Variants in GNS observed in about 807,000 individuals in gnomAD.
GNS encodes N-acetylglucosamine-6-sulfatase.
A neutral mutation model predicts 69.7 loss-of-function variants in GNS; 40 were observed. The observed-to-expected ratio is 0.57, with a 90% confidence interval of 0.45 to 0.75. The LOEUF is 0.75. GNS is among the 30% of genes least tolerant of loss of function. The probability of loss-of-function intolerance (pLI) is 0.00; values close to 1 mark genes in which losing one functional copy is unlikely to be tolerated. For missense variants in GNS, 565 were observed against 685.5 expected (o/e 0.82, Z 1.96); for synonymous variants, 243 against 251.6 (o/e 0.97, Z 0.32).
intron 1 of GNS, among the ~76,000 whole-genome samples, chr12:64,755,135 C>A (rs776797434): frequency 2.0e-5 from 3 of 152,104 alleles, no homozygotes; most frequent in Non-Finnish European, 4.4e-5. Context: ...TTCATGCCTT[C>A]ATGTGGGCAA....
Position 64,739,464 on chromosome 12 carries a change from T to C in GNS, c.911A>G (p.Glu304Gly), listed in dbSNP as rs1487656448. Residue 304 changes from glutamate to glycine, a missense_variant, in exon 8 of 14, where the codon GAG (glutamate) becomes GGG (glycine). Physicochemically the swap from Glu to Gly is moderately conservative, Grantham distance 98. Coordinates refer to ENST00000258145, the MANE Select transcript of GNS (RefSeq NM_002076.4). The part of the protein sequence containing the change: ...QTLLSVDDLV[E>G]KLVKRLEFTG... ...GAACTCCAGCCTCTTGACCAGTTTC[T>C]CCACAAGGTCATCAACTGAGAGGAG... 6.2e-7 allele frequency: 1 copy of C among 1,605,392 alleles called. No individual in the cohort carries two copies.
At chr12:64,737,316 G>C (rs111741965) in intron 8 of GNS, among the ~76,000 whole-genome samples, 28 of 152,284 alleles carry the variant, frequency 1.8e-4, no homozygotes, top group African/African-American at 6.0e-4. Flanking sequence ...ATGACTAGAA[G>C]GGACTCCCTG....
intron 2 of GNS, among the ~76,000 whole-genome samples, chr12:64,751,703 T>C (rs1388926703): frequency 1.3e-5 from 2 of 152,106 alleles, no homozygotes; most frequent in Admixed American, 6.5e-5. Flanking sequence ...AAGTCAGGCA[T>C]TGGCTGGGTG....
rs574024349 is a variant in GNS at position 64,759,228 on chromosome 12, G to A, written c.49C>T (p.Arg17Cys). The A allele has an allele frequency of 5.2e-5, 80 of 1,545,172 alleles. No homozygotes were observed. Among genetic ancestry groups the A allele is most frequent in the Non-Finnish European group, 6.4e-5 (73 of 1,144,628 alleles). ...GCTGGGCTGCAGGAGGGCAGGTGGC[G>A]GGGGCTGCCCCGCCGGAGCCGACCT... is the stretch of plus-strand genomic sequence containing the variant. ...APGRLRRGSPRHLPSCSPALL... is the reference protein window; with the variant it reads ...APGRLRRGSPCHLPSCSPALL... Residue 17 changes from arginine to cysteine, a missense_variant, in exon 1 of 14, where the codon CGC becomes TGC. Arg to Cys is a radical substitution (Grantham distance 180, BLOSUM62 -3). Transcript: ENST00000258145.
At position 64,744,893 on chromosome 12, in the gene GNS, CT is replaced by C; in HGVS notation, c.539del (p.Lys180SerfsTer25). ...SYWYALEKNS[K>X]YYNYTLSING... The stretch of plus-strand genomic sequence containing the variant: ...TGATAGACAGGGTGTAATTATAATA[CT>C]TAGAATTCTTTTCCTATTAAAAAGA... On this transcript the variant is annotated frameshift_variant, in exon 5 of 14. Coordinates refer to ENST00000258145, the MANE Select transcript of GNS (RefSeq NM_002076.4). LOFTEE classifies it high-confidence loss of function. The C allele has an allele frequency of 6.8e-7, 1 of 1,473,674 alleles. No homozygotes were observed. The highest frequency in any genetic ancestry group is 9.5e-7 in the Non-Finnish European group (1 of 1,051,760). 91.3% of individuals were successfully genotyped at this position (1,473,674 alleles called of 1,614,324 possible). A position where few individuals can be genotyped will look rare whatever the true frequency, so the allele number is the denominator to read the frequency against.
chr12:64,752,511 C>T lies in GNS; in HGVS notation c.252+187G>A, dbSNP rs17100637. 8.9e-3 allele frequency among the ~76,000 whole-genome samples: 1,355 copies of T among 152,168 alleles called. 21 individuals are homozygous for T. The highest frequency in any genetic ancestry group is 0.031 in the African/African-American group (1,283 of 41,530). Reference sequence around the variant, plus strand: ...TCTGAGACTGGCTTAGAAATATCTGCAATTAATCTTCAATTGATAAGAGGT... The same window carrying T: ...TCTGAGACTGGCTTAGAAATATCTGTAATTAATCTTCAATTGATAAGAGGT... On this transcript the variant is annotated intron_variant, in intron 2 of 13. Transcript: ENST00000258145.
chr12:64,743,971 C>T (rs1300973879), intron 5 of GNS, among the ~76,000 whole-genome samples: 1 of 152,164 alleles, frequency 6.6e-6, no homozygotes, highest in Non-Finnish European at 1.5e-5. Context: ...TATAATCCCT[C>T]CATCCACCTT....
intron 9 of GNS, among the ~76,000 whole-genome samples, chr12:64,736,512 GAAA>G (rs376187240): frequency 3.8e-4 from 58 of 152,328 alleles, no homozygotes; most frequent in African/African-American, 1.3e-3. Context: ...TTCACACACA[GAAA>G]AGCCTGAGGG....
chr12:64,720,701 G>C (rs575163330), intron 12 of GNS, among the ~76,000 whole-genome samples: 63 of 152,264 alleles, frequency 4.1e-4, no homozygotes, highest in African/African-American at 1.3e-3. Context: ...GGATATATTG[G>C]GGAAGGACAC....
intron 7 of GNS, among the ~76,000 whole-genome samples, chr12:64,740,103 C>T (rs560908940): frequency 6.6e-6 from 1 of 152,300 alleles, no homozygotes; most frequent in East Asian, 1.9e-4. Context: ...GACCTGCAAG[C>T]CTATTAATAT....
intron 1 of GNS, 112 bp from the exon 2 acceptor site, chr12:64,752,869 A>T (rs1870123477): frequency 1.4e-6 from 1 of 710,644 alleles, no homozygotes; most frequent in African/African-American, 1.8e-5. Flanking sequence ...CCAAATGGTC[A>T]GCTCTAAGCA....
chr12:64,754,672 T>C lies in GNS; in HGVS notation c.193-1915A>G, dbSNP rs957210687. On this transcript the variant is annotated intron_variant, in intron 1 of 13. Transcript: ENST00000258145. Reference sequence around the variant, plus strand: ...AGAAGGCAGAGGCAGGAGGACTGCTTGAGGCCAGGAGTTTGAGACCAGTCT... The same window carrying C: ...AGAAGGCAGAGGCAGGAGGACTGCTCGAGGCCAGGAGTTTGAGACCAGTCT... 3.3e-5 allele frequency among the ~76,000 whole-genome samples: 5 copies of C among 152,132 alleles called. No individual in the cohort carries two copies. The East Asian group carries it at 9.7e-4, about 29-fold the overall frequency.
chr12:64,720,853 C>T (rs1869003856), intron 12 of GNS, among the ~76,000 whole-genome samples: 2 of 152,178 alleles, frequency 1.3e-5, no homozygotes, highest in African/African-American at 4.8e-5. Flanking sequence ...CTTCAGGTAG[C>T]TGCCCTCACT....
At position 64,743,129 on chromosome 12, in the gene GNS, G is replaced by C. The variant is rs749901174; in HGVS notation, c.792+12C>G. 6.3e-7 allele frequency: 1 copy of C among 1,596,194 alleles called. No homozygotes were observed. The highest frequency in any genetic ancestry group is 8.6e-7 in the Non-Finnish European group (1 of 1,164,016). On this transcript the variant is annotated intron_variant, in intron 6 of 13. Coordinates refer to ENST00000258145, the MANE Select transcript of GNS (RefSeq NM_002076.4). ...CTTAGTATGGCTGAATACAAGTGGTGGGGGAAGCTACCGTTCCATGGATGT... is the reference window on the plus strand; with the variant it reads ...CTTAGTATGGCTGAATACAAGTGGTCGGGGAAGCTACCGTTCCATGGATGT...
At chr12:64,754,882 C>T (rs1254266186) in intron 1 of GNS, among the ~76,000 whole-genome samples, 1 of 144,054 alleles carries the variant, frequency 6.9e-6, no homozygotes, top group Non-Finnish European at 1.5e-5. Context: ...AGAGTGAGAA[C>T]TTGTCTCCAA....
chr12:64,739,826 T>C (rs1330105215), intron 7 of GNS, among the ~76,000 whole-genome samples: 2 of 152,230 alleles, frequency 1.3e-5, no homozygotes, highest in Non-Finnish European at 2.9e-5. Flanking sequence ...TTATTGGCAA[T>C]AGTGATGAGA....
intron 1 of GNS, among the ~76,000 whole-genome samples, chr12:64,757,351 G>A (rs1392133192): frequency 1.3e-5 from 2 of 152,174 alleles, no homozygotes; most frequent in African/African-American, 4.8e-5. Flanking sequence ...CCTTTTAACT[G>A]AGTACTTAAG....
Position 64,714,857 on chromosome 12 carries a change from TACA to T in GNS, c.*1881_*1883del, listed in dbSNP as rs1447019535. 2.0e-5 allele frequency: 3 copies of T among 152,616 alleles called. No individual in the cohort carries two copies. The highest frequency in any genetic ancestry group is 4.8e-5 in the African/African-American group (2 of 41,436). The allele number at this position is 152,616 out of a possible 1,614,324, so 9.5% of individuals were successfully genotyped here. On this transcript the variant is annotated 3_prime_UTR_variant, in exon 14 of 14. Transcript: ENST00000258145. ...ACCCATATTCAACAGTGCTTTCAGT[TACA>T]ACATTTTTTGAATTTCCTTCTCTAA... is the stretch of plus-strand genomic sequence containing the variant.
chr12:64,759,272 C>T lies in GNS; in HGVS notation c.5G>A (p.Arg2Gln). MRLLPLAPGRLR... is the reference protein window; with the variant it reads MQLLPLAPGRLR... ...CCGACCTGGGGCTAGAGGCAGGAGC[C>T]GCATAGCGGACAGGCTCCGGGGTGA... The change falls in exon 1 of 14, where the codon CGG becomes CAG. Residue 2 changes from arginine to glutamine, a missense_variant. Arg to Gln is a conservative substitution (Grantham distance 43, BLOSUM62 1). Coordinates refer to ENST00000258145, the MANE Select transcript of GNS (RefSeq NM_002076.4). The T allele has an allele frequency of 1.3e-6, 2 of 1,520,118 alleles. No individual in the cohort carries two copies. Among genetic ancestry groups the T allele is most frequent in the Non-Finnish European group, 1.8e-6 (2 of 1,133,502 alleles). The allele number at this position is 1,520,118 out of a possible 1,614,324, so 94.2% of individuals were successfully genotyped here. A position where few individuals can be genotyped will look rare whatever the true frequency, so the allele number is the denominator to read the frequency against.
Sources: gnomAD v4.1 joint callset for allele counts (sites outside exome capture counted in the v4.1 genomes callset) on GRCh38, gnomAD v4.1.1 for gene constraint, MANE v1.5 for transcripts, NCBI Gene and HGNC (gene_info 2026-07-23, HGNC 2026-07-21) for gene names.